TUSC3: variants seen among roughly 807,000 people sequenced by gnomAD.
The protein encoded by TUSC3 is tumor suppressor candidate 3, also known as dolichyl-diphosphooligosaccharide--protein glycosyltransferase subunit TUSC3.
In TUSC3, 45 loss-of-function variants were observed where a neutral mutation model predicts 44.8. The ratio of observed to expected loss-of-function variants is 1.00; its 90% confidence interval spans 0.79 to 1.29. The LOEUF (loss-of-function observed/expected upper bound fraction) is 1.29, where lower values mean the gene tolerates loss of function less well. TUSC3 is among the 50% of genes most tolerant of loss of function. The probability of loss-of-function intolerance (pLI) is 0.00; values close to 1 mark genes in which losing one functional copy is unlikely to be tolerated. For synonymous variants in TUSC3, 212 were observed against 152.9 expected (o/e 1.39, Z -2.85); for missense variants, 519 against 437.9 (o/e 1.19, Z -1.65).
At chr8:15,551,224 A>T (rs189142804) in intron 1 of TUSC3, among the ~76,000 whole-genome samples, 7 of 151,780 alleles carry the variant, frequency 4.6e-5, no homozygotes, top group African/African-American at 1.4e-4. Context: ...CATATCTTTA[A>T]TTTTTATTAG....
chr8:15,753,943 A>T (rs1308141641), intron 9 of TUSC3, among the ~76,000 whole-genome samples: 3 of 152,104 alleles, frequency 2.0e-5, no homozygotes, highest in African/African-American at 7.2e-5. Flanking sequence ...AATAATTCTG[A>T]TAGTAGTTGA....
chr8:15,626,132 T>C (rs1166401854), intron 2 of TUSC3, among the ~76,000 whole-genome samples: 1 of 151,992 alleles, frequency 6.6e-6, no homozygotes, highest in Non-Finnish European at 1.5e-5. Flanking sequence ...GTCCCCAAGG[T>C]AGCTGACTGT....
chr8:15,786,510 T>C, the TUSC3 span, among the ~76,000 whole-genome samples: 1 of 152,316 alleles, frequency 6.6e-6, no homozygotes, highest in South Asian at 2.1e-4. Flanking sequence ...ATAGCAATCA[T>C]TTCTTCTCTT....
chr8:15,417,702 G>C (rs1799676502), intron 1 of TUSC3, among the ~76,000 whole-genome samples: 1 of 152,210 alleles, frequency 6.6e-6, no homozygotes, highest in South Asian at 2.1e-4. Flanking sequence ...CTGGCAGGCT[G>C]TGCTTCAGGA....
chr8:15,676,094 A>G (rs548166228), intron 6 of TUSC3, among the ~76,000 whole-genome samples: 17 of 152,154 alleles, frequency 1.1e-4, no homozygotes, highest in African/African-American at 3.4e-4. Flanking sequence ...GCCAGCATCT[A>G]TTATGTTTTG....
intron 2 of TUSC3, among the ~76,000 whole-genome samples, chr8:15,509,239 C>G (rs1801100216): frequency 1.3e-5 from 2 of 152,152 alleles, no homozygotes; most frequent in Admixed American, 1.3e-4. Flanking sequence ...TCTTGATGCT[C>G]TTGTCAATAA....
At chr8:15,808,740 A>T in the TUSC3 span, among the ~76,000 whole-genome samples, 2 of 152,120 alleles carry the variant, frequency 1.3e-5, no homozygotes, top group Non-Finnish European at 2.9e-5. Context: ...GCTGTCAGTC[A>T]GTGTTAGCTT....
chr8:15,809,237 G>C, the TUSC3 span, among the ~76,000 whole-genome samples: 1 of 152,130 alleles, frequency 6.6e-6, no homozygotes, highest in Non-Finnish European at 1.5e-5. Flanking sequence ...GAGGATGTTG[G>C]GAACTTCTTT....
intron 1 of TUSC3, among the ~76,000 whole-genome samples, chr8:15,462,936 C>T (rs1373225206): frequency 2.0e-5 from 3 of 152,032 alleles, no homozygotes; most frequent in African/African-American, 4.8e-5. Flanking sequence ...CAGGTGTAAA[C>T]TGTTAGTAAA....
intron 1 of TUSC3, among the ~76,000 whole-genome samples, chr8:15,613,712 A>G (rs2129160045): frequency 6.6e-6 from 1 of 152,328 alleles, no homozygotes; most frequent in African/African-American, 2.4e-5. Context: ...ATACAAATAC[A>G]TATAGCATTA....
chr8:15,596,333 G>A (rs1345290467), intron 1 of TUSC3, among the ~76,000 whole-genome samples: 1 of 152,194 alleles, frequency 6.6e-6, no homozygotes, highest in Non-Finnish European at 1.5e-5. Context: ...TGCCGTGTAA[G>A]AGTAGTACAG....
At chr8:15,531,679 A>G (rs1179855944) in intron 2 of TUSC3, among the ~76,000 whole-genome samples, 2 of 152,230 alleles carry the variant, frequency 1.3e-5, no homozygotes, top group East Asian at 3.9e-4. Flanking sequence ...GTTGTTGCAG[A>G]CCTGTATGAA....
intron 1 of TUSC3, among the ~76,000 whole-genome samples, chr8:15,435,617 C>T (rs1251852458): frequency 1.3e-5 from 2 of 152,132 alleles, no homozygotes; most frequent in Admixed American, 6.5e-5. Context: ...GTGCCTAAAA[C>T]ATATGCAAGA....
intron 2 of TUSC3, among the ~76,000 whole-genome samples, chr8:15,489,893 A>T (rs942622182): frequency 5.9e-5 from 9 of 152,188 alleles, no homozygotes; most frequent in Non-Finnish European, 1.3e-4. Context: ...TCTGAAACAA[A>T]TCAGATACAT....
At chr8:15,485,705 G>C (rs1050973372) in intron 2 of TUSC3, among the ~76,000 whole-genome samples, 1 of 152,160 alleles carries the variant, frequency 6.6e-6, no homozygotes, top group Non-Finnish European at 1.5e-5. Context: ...GGAAAGAAGA[G>C]AGCAGACCAA....
intron 1 of TUSC3, among the ~76,000 whole-genome samples, chr8:15,451,523 C>A (rs185124808): frequency 6.6e-6 from 1 of 152,302 alleles, no homozygotes; most frequent in African/African-American, 2.4e-5. Flanking sequence ...TTGCTTAACA[C>A]TTGGAGGTGC....
chr8:15,568,453 A>G (rs921649127), intron 1 of TUSC3, among the ~76,000 whole-genome samples: 3 of 152,136 alleles, frequency 2.0e-5, no homozygotes, highest in Admixed American at 6.6e-5. Context: ...CCTTATTACT[A>G]TATGAACTTA....
intron 7 of TUSC3, among the ~76,000 whole-genome samples, chr8:15,742,807 T>G (rs1445808790): frequency 6.6e-6 from 1 of 152,224 alleles, no homozygotes; most frequent in Non-Finnish European, 1.5e-5. Context: ...GAGTCGACAA[T>G]GTGAAAAATG....
Position 15,519,029 on chromosome 8 carries a change from A to G in TUSC3, n.189+35546A>G, listed in dbSNP as rs189690240. Among the ~76,000 whole-genome samples, 24 of 152,284 alleles carry G rather than the reference A, an allele frequency of 1.6e-4. No homozygotes were observed. The East Asian group carries it at 2.5e-3, about 16-fold the overall frequency. On this transcript the variant is annotated intron_variant and non_coding_transcript_variant, in intron 2 of 5. Coordinates refer to the TUSC3 transcript ENST00000503191. ...TGAAATAGCATCTGCTTATACAACA[A>G]AAACATTATTACAACAGTGTTGTGT...
Sources: gnomAD v4.1 joint callset for allele counts (sites outside exome capture counted in the v4.1 genomes callset) on GRCh38, gnomAD v4.1.1 for gene constraint, MANE v1.5 for transcripts, NCBI Gene and HGNC (gene_info 2026-07-23, HGNC 2026-07-21) for gene names.